The following GRXCR1 variants were observed in gnomAD, a reference collection of about 807,000 sequenced individuals.
GRXCR1 encodes glutaredoxin and cysteine rich domain containing 1.
A neutral mutation model predicts 27.3 loss-of-function variants in GRXCR1; 27 were observed. That is an observed-to-expected ratio of 0.99 (90% confidence interval 0.73 to 1.37). The LOEUF is 1.37. Ranked by LOEUF, GRXCR1 falls within the 40% of genes most tolerant of loss-of-function variation. The pLI is 0.00. For synonymous variants in GRXCR1, 122 were observed against 131.1 expected (o/e 0.93, Z 0.47); for missense variants, 379 against 354.4 (o/e 1.07, Z -0.56).
At chr4:43,027,490 T>G (rs1206088517) in intron 3 of GRXCR1, among the ~76,000 whole-genome samples, 1 of 152,218 alleles carries the variant, frequency 6.6e-6, no homozygotes, top group African/African-American at 2.4e-5. Context: ...TATTTGTAAG[T>G]GATGTTGTAG....
At chr4:42,984,967 G>T (rs996951934) in intron 2 of GRXCR1, among the ~76,000 whole-genome samples, 2 of 152,126 alleles carry the variant, frequency 1.3e-5, no homozygotes, top group African/African-American at 4.8e-5. Context: ...AGTATGATGG[G>T]CCTGAGGTTG....
intron 1 of GRXCR1, among the ~76,000 whole-genome samples, chr4:42,913,753 G>A (rs529111326): frequency 2.6e-5 from 4 of 152,268 alleles, no homozygotes; most frequent in Admixed American, 2.0e-4. Flanking sequence ...CCCATCACAG[G>A]TGCAGAAACC....
At chr4:42,979,875 T>C (rs777098970) in intron 2 of GRXCR1, among the ~76,000 whole-genome samples, 3 of 151,996 alleles carry the variant, frequency 2.0e-5, no homozygotes, top group Non-Finnish European at 4.4e-5. Context: ...TTTTATTTTT[T>C]CATAATTCAA....
At chr4:42,950,649 T>A (rs548786352) in intron 1 of GRXCR1, among the ~76,000 whole-genome samples, 1 of 152,336 alleles carries the variant, frequency 6.6e-6, no homozygotes, top group East Asian at 1.9e-4. Flanking sequence ...ATAGATGGCA[T>A]GTTTGTGAAT....
At position 42,968,391 on chromosome 4, in the gene GRXCR1, A is replaced by T. The variant is rs189564652; in HGVS notation, c.627+5257A>T. 2.1e-4 allele frequency among the ~76,000 whole-genome samples: 32 copies of T among 152,280 alleles called. No homozygotes were observed. In the East Asian group the frequency reaches 6.0e-3, roughly 28 times the overall value. On this transcript the variant is annotated intron_variant, in intron 2 of 3. Coordinates refer to ENST00000399770, the MANE Select transcript of GRXCR1 (RefSeq NM_001080476.3). ...TCTGGCAAAATAACAAAGTAAAATA[A>T]AATTTTTAGGCTAGATGACTATAAC...
At chr4:43,003,875 G>T (rs1712466672) in intron 2 of GRXCR1, among the ~76,000 whole-genome samples, 1 of 152,216 alleles carries the variant, frequency 6.6e-6, no homozygotes, top group Admixed American at 6.5e-5. Context: ...TGGTAGAAAA[G>T]AAGAAAACAT....
intron 1 of GRXCR1, among the ~76,000 whole-genome samples, chr4:42,957,704 T>C (rs1748038758): frequency 6.6e-6 from 1 of 151,690 alleles, no homozygotes; most frequent in Non-Finnish European, 1.5e-5. Context: ...TGATCAATGA[T>C]GCTGAGAGAC....
intron 1 of GRXCR1, among the ~76,000 whole-genome samples, chr4:42,905,995 T>C (rs1000767455): frequency 3.3e-5 from 5 of 152,196 alleles, no homozygotes; most frequent in African/African-American, 7.2e-5. Context: ...TGCTTCTGAA[T>C]GACAAAAGCG....
At chr4:42,986,925 T>C (rs1267508349) in intron 2 of GRXCR1, among the ~76,000 whole-genome samples, 1 of 151,720 alleles carries the variant, frequency 6.6e-6, no homozygotes, top group Non-Finnish European at 1.5e-5. Context: ...GAGTACCTTC[T>C]GTGCGATGTT....
chr4:43,025,060 C>T (rs188569252), intron 3 of GRXCR1, among the ~76,000 whole-genome samples: 227 of 152,254 alleles, frequency 1.5e-3, no homozygotes, highest in Non-Finnish European at 2.4e-3. Flanking sequence ...CATGAAGACT[C>T]TTGATCTTAG....
intron 2 of GRXCR1, among the ~76,000 whole-genome samples, chr4:42,971,812 C>T (rs1240070912): frequency 6.6e-6 from 1 of 152,062 alleles, no homozygotes; most frequent in Non-Finnish European, 1.5e-5. Flanking sequence ...TGCTCAAAGA[C>T]AGCTAGAAAG....
intron 1 of GRXCR1, among the ~76,000 whole-genome samples, chr4:42,932,320 C>G (rs1747331599): frequency 6.6e-6 from 1 of 151,670 alleles, no homozygotes; most frequent in African/African-American, 2.4e-5. Context: ...TGTTCAGTCC[C>G]TGGAATATAT....
chr4:42,945,132 A>ATACCATC (rs1747712959), intron 1 of GRXCR1, among the ~76,000 whole-genome samples: 1 of 152,166 alleles, frequency 6.6e-6, no homozygotes, highest in South Asian at 2.1e-4. Flanking sequence ...CGCGGAGAAG[A>ATACCATC]TACCATCTAT....
chr4:42,998,020 C>A (rs923991510), intron 2 of GRXCR1, among the ~76,000 whole-genome samples: 1 of 152,022 alleles, frequency 6.6e-6, no homozygotes, highest in Non-Finnish European at 1.5e-5. Context: ...TTTTTAAAAG[C>A]GTATATTTCT....
intron 3 of GRXCR1, among the ~76,000 whole-genome samples, chr4:43,024,564 T>C (rs1256173654): frequency 1.3e-5 from 2 of 152,208 alleles, no homozygotes; most frequent in African/African-American, 4.8e-5. Flanking sequence ...TCATCCCATC[T>C]GGTTTAAGAA....
intron 1 of GRXCR1, among the ~76,000 whole-genome samples, chr4:42,942,717 T>C (rs1296176369): frequency 6.6e-6 from 1 of 152,144 alleles, no homozygotes; most frequent in Non-Finnish European, 1.5e-5. Context: ...CTGATGCTGG[T>C]GATCTGTTGA....
intron 1 of GRXCR1, among the ~76,000 whole-genome samples, chr4:42,897,938 ATTATTATTATTATTATTATTC>A (rs200407743): frequency 0.35 from 38,830 of 111,266 alleles, 6,392 homozygotes; most frequent in Admixed American, 0.46. Context: ...TATTATTATT[ATTATTATTATTATTATTATTC>A]TTATTATGTC....
At chr4:43,019,327 A>G (rs555017365) in intron 2 of GRXCR1, among the ~76,000 whole-genome samples, 6 of 152,208 alleles carry the variant, frequency 3.9e-5, no homozygotes, top group South Asian at 2.1e-4. Context: ...TAACCTCCAT[A>G]AGAACTAGAA....
At chr4:42,995,378 T>C (rs1712119330) in intron 2 of GRXCR1, among the ~76,000 whole-genome samples, 1 of 152,238 alleles carries the variant, frequency 6.6e-6, no homozygotes, top group Non-Finnish European at 1.5e-5. Context: ...TGTTTATTTG[T>C]ATATACTTGC....
Sources: allele counts gnomAD v4.1 joint callset (sites outside exome capture counted in the v4.1 genomes callset), GRCh38; gene constraint gnomAD v4.1.1; transcripts MANE v1.5; gene names NCBI Gene and HGNC (gene_info 2026-07-23, HGNC 2026-07-21).